XYLT1: variants seen among roughly 807,000 people sequenced by gnomAD.
XYLT1 encodes the protein xylosyltransferase 1, also known as beta-D-xylosyltransferase 1.
Under a neutral mutation model 91.3 loss-of-function variants are expected in XYLT1, and 36 were observed. The observed-to-expected ratio is 0.39, with a 90% confidence interval of 0.30 to 0.52. XYLT1 has a LOEUF of 0.52. Ranked by LOEUF, XYLT1 falls within the 20% of genes least tolerant of loss-of-function variation. The probability of loss-of-function intolerance (pLI) is 0.68; values close to 1 mark genes in which losing one functional copy is unlikely to be tolerated. For missense variants in XYLT1, 1,242 were observed against 1,284.5 expected, an observed-to-expected ratio of 0.97 and a Z score of 0.51; for synonymous variants, 588 against 532.0, an observed-to-expected ratio of 1.11 and a Z score of -1.45.
At chr16:17,441,394 A>T (rs1412681116) in intron 1 of XYLT1, among the ~76,000 whole-genome samples, 1 of 152,170 alleles carries the variant, frequency 6.6e-6, no homozygotes, top group East Asian at 1.9e-4. Flanking sequence ...TGCACTAAAA[A>T]AAAGGAAATT....
intron 6 of XYLT1, among the ~76,000 whole-genome samples, chr16:17,143,341 G>A (rs1196675468): frequency 6.6e-6 from 1 of 152,066 alleles, no homozygotes; most frequent in Admixed American, 6.5e-5. Context: ...GCCAGGTACT[G>A]TGCTGGCCCA....
intron 2 of XYLT1, among the ~76,000 whole-genome samples, chr16:17,266,510 C>G (rs1399864350): frequency 6.6e-6 from 1 of 152,174 alleles, no homozygotes; most frequent in Non-Finnish European, 1.5e-5. Flanking sequence ...TAAGTCCACA[C>G]ACCTAGGAAA....
At chr16:17,204,191 T>C (rs941922476) in intron 3 of XYLT1, among the ~76,000 whole-genome samples, 2 of 152,360 alleles carry the variant, frequency 1.3e-5, no homozygotes, top group Non-Finnish European at 2.9e-5. Flanking sequence ...AAGGACTCTA[T>C]GCTGGTCTTT....
At chr16:17,293,460 G>A (rs2034260206) in intron 2 of XYLT1, among the ~76,000 whole-genome samples, 1 of 150,596 alleles carries the variant, frequency 6.6e-6, no homozygotes, top group Non-Finnish European at 1.5e-5. Flanking sequence ...CAGAGGCTTG[G>A]GTAGTTTTTA....
rs746383030 is a variant in XYLT1, at chr16:17,205,522, C to T, written c.914-4868G>A. ...AAATGGGTATGTATAATCACAGAATCCACCCCACATGGACATTCACATCCA... is the reference window on the plus strand; with the variant it reads ...AAATGGGTATGTATAATCACAGAATTCACCCCACATGGACATTCACATCCA... On this transcript the variant is annotated intron_variant, in intron 3 of 11. Transcript: ENST00000261381. 6.8e-4 allele frequency among the ~76,000 whole-genome samples: 104 copies of T among 152,316 alleles called. 1 individual carries two copies. Among genetic ancestry groups the T allele is most frequent in the Non-Finnish European group, 1.1e-3 (73 of 68,024 alleles).
chr16:17,231,657 C>A (rs1291715143), intron 3 of XYLT1, among the ~76,000 whole-genome samples: 1 of 152,112 alleles, frequency 6.6e-6, no homozygotes, highest in Non-Finnish European at 1.5e-5. Flanking sequence ...TGCTCCTAGG[C>A]TACAAACCTG....
At chr16:17,323,752 T>C (rs1482725777) in intron 2 of XYLT1, among the ~76,000 whole-genome samples, 1 of 151,692 alleles carries the variant, frequency 6.6e-6, no homozygotes, top group African/African-American at 2.4e-5. Flanking sequence ...CTGGGTTTTT[T>C]CTCCTTTTGA....
chr16:17,391,506 C>A (rs1373070864), intron 1 of XYLT1, among the ~76,000 whole-genome samples: 1 of 152,220 alleles, frequency 6.6e-6, no homozygotes, highest in Admixed American at 6.5e-5. Context: ...TATTGCAATT[C>A]CCCTGTTTTG....
intron 3 of XYLT1, among the ~76,000 whole-genome samples, chr16:17,206,246 A>T (rs1057407738): frequency 6.6e-6 from 1 of 152,108 alleles, no homozygotes; most frequent in Non-Finnish European, 1.5e-5. Context: ...GATTCGTCTT[A>T]CTGGGGGAGA....
chr16:17,308,298 C>T (rs1296124530), intron 2 of XYLT1, among the ~76,000 whole-genome samples: 2 of 152,220 alleles, frequency 1.3e-5, no homozygotes. Context: ...TCTTAGGGAA[C>T]TGATTTCTCC....
chr16:17,225,690 G>C (rs757894116), intron 3 of XYLT1, among the ~76,000 whole-genome samples: 4 of 152,236 alleles, frequency 2.6e-5, no homozygotes, highest in Non-Finnish European at 1.5e-5. Context: ...ATTTCCAACA[G>C]CAAATATGTT....
chr16:17,314,936 G>C (rs1473974758), intron 2 of XYLT1, among the ~76,000 whole-genome samples: 1 of 152,174 alleles, frequency 6.6e-6, no homozygotes. Context: ...AGAGGTGAGA[G>C]GTACCCAGGT....
chr16:17,248,276 G>A (rs921475312), intron 3 of XYLT1, among the ~76,000 whole-genome samples: 3 of 152,100 alleles, frequency 2.0e-5, no homozygotes, highest in African/African-American at 4.8e-5. Flanking sequence ...AGGCCTCCTC[G>A]GCCACATGGA....
At chr16:17,461,081 C>A (rs778721003) in intron 1 of XYLT1, among the ~76,000 whole-genome samples, 3 of 152,220 alleles carry the variant, frequency 2.0e-5, no homozygotes, top group Non-Finnish European at 4.4e-5. Context: ...CAACATCACA[C>A]GACCTGCCTC....
chr16:17,328,187 TA>T (rs1351649785), intron 2 of XYLT1, among the ~76,000 whole-genome samples: 2 of 152,156 alleles, frequency 1.3e-5, no homozygotes, highest in Non-Finnish European at 2.9e-5. Flanking sequence ...TATTCATTTC[TA>T]ATGAATGAGA....
intron 3 of XYLT1, among the ~76,000 whole-genome samples, chr16:17,218,769 C>T (rs1484868442): frequency 6.6e-6 from 1 of 152,154 alleles, no homozygotes; most frequent in Non-Finnish European, 1.5e-5. Flanking sequence ...ATGTTTCTTC[C>T]TGGGAGTGAC....
chr16:17,356,959 A>G (rs112770360), intron 2 of XYLT1, among the ~76,000 whole-genome samples: 2,024 of 151,952 alleles, frequency 0.013, 37 homozygotes, highest in African/African-American at 0.044. Flanking sequence ...AGCGGATCAC[A>G]AGGTCAGGAG....
At chr16:17,136,276 C>T (rs1407268633) in intron 8 of XYLT1, among the ~76,000 whole-genome samples, 2 of 152,166 alleles carry the variant, frequency 1.3e-5, no homozygotes, top group African/African-American at 2.4e-5. Context: ...AAATGCATGA[C>T]TCCAAAATCC....
At chr16:17,244,906 C>CA (rs34890183) in intron 3 of XYLT1, among the ~76,000 whole-genome samples, 89 of 151,946 alleles carry the variant, frequency 5.9e-4, no homozygotes, top group Admixed American at 1.4e-3. Flanking sequence ...GCAACAACAA[C>CA]AAAAAAATCA....
Sources: gnomAD v4.1 joint callset for allele counts (sites outside exome capture counted in the v4.1 genomes callset) on GRCh38, gnomAD v4.1.1 for gene constraint, MANE v1.5 for transcripts, NCBI Gene and HGNC (gene_info 2026-07-23, HGNC 2026-07-21) for gene names.